DNM3: variants seen among roughly 807,000 people sequenced by gnomAD.
DNM3 encodes dynamin 3.
DNM3 carries 47 observed loss-of-function variants against 101.6 expected under a neutral mutation model. That is an observed-to-expected ratio of 0.46 (90% confidence interval 0.37 to 0.59). The LOEUF (loss-of-function observed/expected upper bound fraction) is 0.59, where lower values mean the gene tolerates loss of function less well. DNM3 is among the 20% of genes least tolerant of loss of function. The probability of loss-of-function intolerance (pLI) is 0.00; values close to 1 mark genes in which losing one functional copy is unlikely to be tolerated. For missense variants in DNM3, 849 were observed against 1,085.7 expected, an observed-to-expected ratio of 0.78 and a Z score of 3.06; for synonymous variants, 385 against 387.9, an observed-to-expected ratio of 0.99 and a Z score of 0.09.
chr1:172,125,210 TGCA>T (rs980767217), intron 13 of DNM3, among the ~76,000 whole-genome samples: 19 of 152,234 alleles, frequency 1.2e-4, no homozygotes, highest in African/African-American at 4.3e-4. Flanking sequence ...TTATCTAGGC[TGCA>T]GCAGTTAAAA....
chr1:171,883,923 T>C (rs765476324), intron 1 of DNM3, among the ~76,000 whole-genome samples: 2 of 152,232 alleles, frequency 1.3e-5, no homozygotes, highest in Non-Finnish European at 2.9e-5. Flanking sequence ...CTCTCTCTTA[T>C]AAGGGTTTGC....
chr1:172,067,322 A>G (rs796893861), intron 10 of DNM3, among the ~76,000 whole-genome samples: 19 of 152,264 alleles, frequency 1.2e-4, no homozygotes, highest in African/African-American at 4.6e-4. Context: ...TGCCTGGCCT[A>G]AGTCATGAAT....
intron 4 of DNM3, among the ~76,000 whole-genome samples, chr1:172,007,165 G>C (rs2046751606): frequency 6.6e-6 from 1 of 151,932 alleles, no homozygotes; most frequent in South Asian, 2.1e-4. Flanking sequence ...TTTCACTTAG[G>C]AAAATACCTA....
intron 1 of DNM3, among the ~76,000 whole-genome samples, chr1:171,906,458 C>T (rs1021720342): frequency 1.3e-5 from 2 of 152,010 alleles, no homozygotes; most frequent in African/African-American, 2.4e-5. Context: ...GCCCGACCCC[C>T]AGCAACAAAA....
intron 15 of DNM3, among the ~76,000 whole-genome samples, chr1:172,256,969 T>C (rs529017282): frequency 6.6e-6 from 1 of 151,978 alleles, no homozygotes; most frequent in South Asian, 2.1e-4. Flanking sequence ...AATCTTATTG[T>C]TTTGTATCAT....
chr1:171,876,364 C>T (rs549286123), intron 1 of DNM3, among the ~76,000 whole-genome samples: 7 of 152,088 alleles, frequency 4.6e-5, no homozygotes, highest in Admixed American at 3.3e-4. Context: ...TTCACTTCTT[C>T]CAATGTTCTT....
chr1:171,901,496 G>C (rs2125231599), intron 1 of DNM3, among the ~76,000 whole-genome samples: 1 of 152,288 alleles, frequency 6.6e-6, no homozygotes, highest in South Asian at 2.1e-4. Flanking sequence ...GAGGAGCAAG[G>C]AGGAGCCGCG....
At chr1:171,926,625 G>A (rs1038530228) in intron 2 of DNM3, among the ~76,000 whole-genome samples, 6 of 152,042 alleles carry the variant, frequency 3.9e-5, no homozygotes, top group Admixed American at 6.5e-5. Flanking sequence ...CCCTTGCTTT[G>A]TGGTAAGTTT....
chr1:172,264,144 T>G (rs1231275204), intron 15 of DNM3, among the ~76,000 whole-genome samples: 1 of 152,240 alleles, frequency 6.6e-6, no homozygotes, highest in Non-Finnish European at 1.5e-5. Context: ...TAGAAAAGAC[T>G]ACTTCAAATG....
At chr1:172,343,760 T>C (rs1227868559) in intron 17 of DNM3, among the ~76,000 whole-genome samples, 1 of 152,236 alleles carries the variant, frequency 6.6e-6, no homozygotes, top group Non-Finnish European at 1.5e-5. Flanking sequence ...CAGTAGTTCT[T>C]ACTGTTTGGG....
At chr1:172,369,761 T>C (rs1462929986) in intron 17 of DNM3, among the ~76,000 whole-genome samples, 1 of 151,994 alleles carries the variant, frequency 6.6e-6, no homozygotes, top group Non-Finnish European at 1.5e-5. Context: ...ATTAATTGAT[T>C]ACATATTGTA....
At chr1:171,982,518 T>C (rs1275308309) in intron 2 of DNM3, among the ~76,000 whole-genome samples, 1 of 152,176 alleles carries the variant, frequency 6.6e-6, no homozygotes. Context: ...AAGTACTTTG[T>C]GGTTCCTGCC....
intron 17 of DNM3, among the ~76,000 whole-genome samples, chr1:172,357,390 A>G (rs1296558008): frequency 6.6e-5 from 10 of 152,262 alleles, no homozygotes; most frequent in Admixed American, 6.5e-4. Context: ...AGACAGATCG[A>G]CATCACATGT....
intron 17 of DNM3, among the ~76,000 whole-genome samples, chr1:172,329,623 C>T (rs1446626270): frequency 6.6e-6 from 1 of 151,982 alleles, no homozygotes; most frequent in African/African-American, 2.4e-5. Flanking sequence ...AAACTACATA[C>T]AAATTTAAAG....
intron 2 of DNM3, among the ~76,000 whole-genome samples, chr1:171,940,457 TAA>T (rs1335206043): frequency 6.6e-6 from 1 of 152,192 alleles, no homozygotes; most frequent in East Asian, 1.9e-4. Context: ...GGCTAATATT[TAA>T]AGAGACCTGA....
intron 17 of DNM3, among the ~76,000 whole-genome samples, chr1:172,347,967 A>G (rs1325368281): frequency 6.6e-6 from 1 of 152,078 alleles, no homozygotes; most frequent in African/African-American, 2.4e-5. Flanking sequence ...TATATAATAT[A>G]TTCTTTTTTA....
intron 13 of DNM3, among the ~76,000 whole-genome samples, chr1:172,129,883 G>T (rs977867380): frequency 6.6e-6 from 1 of 152,140 alleles, no homozygotes; most frequent in Non-Finnish European, 1.5e-5. Flanking sequence ...AAGCCGTGGA[G>T]AAAAGTGCAT....
intron 4 of DNM3, among the ~76,000 whole-genome samples, chr1:172,003,697 A>G (rs1273857231): frequency 6.6e-6 from 1 of 151,828 alleles, no homozygotes; most frequent in Non-Finnish European, 1.5e-5. Context: ...TGAGGCCTAT[A>G]TGTAGATATC....
chr1:172,304,630 G>T (rs1226873892), intron 15 of DNM3, among the ~76,000 whole-genome samples: 2 of 152,062 alleles, frequency 1.3e-5, no homozygotes, highest in African/African-American at 4.8e-5. Context: ...CACATAGTTG[G>T]AAGTAAAGCA....
Sources: gnomAD v4.1 joint callset for allele counts (sites outside exome capture counted in the v4.1 genomes callset) on GRCh38, gnomAD v4.1.1 for gene constraint, MANE v1.5 for transcripts, NCBI Gene and HGNC (gene_info 2026-07-23, HGNC 2026-07-21) for gene names.